Variants in NRXN1 observed in about 807,000 individuals in gnomAD.
NRXN1 encodes the protein neurexin-1.
In NRXN1, 39 loss-of-function variants were observed where a neutral mutation model predicts 150.9. That is an observed-to-expected ratio of 0.26 (90% CI 0.20 to 0.34). The LOEUF (loss-of-function observed/expected upper bound fraction) is 0.34, where lower values mean the gene tolerates loss of function less well. NRXN1 is among the 10% of genes least tolerant of loss of function. The pLI is 1.00. For missense variants in NRXN1, 1,815 were observed against 1,949.9 expected (o/e 0.93, Z 1.30); for synonymous variants, 924 against 757.0 (o/e 1.22, Z -3.62).
chr2:50,567,243 T>A (rs1271210870), intron 8 of NRXN1, among the ~76,000 whole-genome samples: 1 of 152,202 alleles, frequency 6.6e-6, no homozygotes, highest in Non-Finnish European at 1.5e-5. Flanking sequence ...AAGAATGAGG[T>A]TTAACACTAG....
intron 5 of NRXN1, among the ~76,000 whole-genome samples, chr2:50,736,119 C>T (rs1698712093): frequency 6.6e-6 from 1 of 152,174 alleles, no homozygotes; most frequent in Non-Finnish European, 1.5e-5. Flanking sequence ...AACCCCCCTG[C>T]TTCCCGTATT....
intron 2 of NRXN1, among the ~76,000 whole-genome samples, chr2:50,991,966 A>C (rs1055055148): frequency 2.0e-5 from 3 of 152,006 alleles, no homozygotes; most frequent in Non-Finnish European, 2.9e-5. Flanking sequence ...CTATAAAAGA[A>C]AGGTCTGGAT....
chr2:50,757,376 G>A (rs1455933697), intron 5 of NRXN1, among the ~76,000 whole-genome samples: 2 of 151,892 alleles, frequency 1.3e-5, no homozygotes, highest in Admixed American at 6.6e-5. Flanking sequence ...TAATGATTCT[G>A]TAACCAGAGA....
intron 21 of NRXN1, among the ~76,000 whole-genome samples, chr2:50,053,010 G>A (rs1055595124): frequency 1.3e-5 from 2 of 152,104 alleles, no homozygotes; most frequent in East Asian, 1.9e-4. Context: ...TTGGGCCAGA[G>A]GAGGGTTATG....
rs934570176 is a variant in NRXN1 at position 50,231,840 on chromosome 2, G to C, written c.3546+4949C>G. ...CTTTTCTCTAGAAGTGACAACATTG[G>C]TAAAATTTCTAGATATATCTTATAT... is the stretch of plus-strand genomic sequence containing the variant. On this transcript the variant is annotated intron_variant, in intron 18 of 22. Coordinates refer to ENST00000401669, the MANE Select transcript of NRXN1 (RefSeq NM_001330078.2). 2.7e-5 allele frequency among the ~76,000 whole-genome samples: 4 copies of C among 147,584 alleles called. No homozygotes were observed. In the East Asian group the frequency reaches 7.8e-4, roughly 29 times the overall value.
At chr2:50,573,427 C>A (rs2105472623) in intron 8 of NRXN1, among the ~76,000 whole-genome samples, 1 of 151,552 alleles carries the variant, frequency 6.6e-6, no homozygotes, top group South Asian at 2.1e-4. Context: ...AGATGAAGGA[C>A]CTGGATGGGA....
intron 17 of NRXN1, among the ~76,000 whole-genome samples, chr2:50,405,831 A>G (rs1179447278): frequency 6.6e-6 from 1 of 152,160 alleles, no homozygotes; most frequent in Non-Finnish European, 1.5e-5. Flanking sequence ...TTACAGGAAA[A>G]ATAATAATAG....
intron 18 of NRXN1, among the ~76,000 whole-genome samples, chr2:50,182,730 C>T (rs1029169765): frequency 1.3e-5 from 2 of 151,962 alleles, no homozygotes; most frequent in Non-Finnish European, 2.9e-5. Context: ...CAATAAAAAT[C>T]TATGTCTTTA....
intron 21 of NRXN1, among the ~76,000 whole-genome samples, chr2:50,042,364 T>C (rs1424826940): frequency 6.6e-6 from 1 of 152,152 alleles, no homozygotes; most frequent in Non-Finnish European, 1.5e-5. Flanking sequence ...TCTCATGAGA[T>C]AAGGGGCTTC....
chr2:50,576,496 CT>C (rs935718334), intron 8 of NRXN1, among the ~76,000 whole-genome samples: 1 of 151,970 alleles, frequency 6.6e-6, no homozygotes, highest in Non-Finnish European at 1.5e-5. Flanking sequence ...TTTTTTCCCC[CT>C]CATTTCATTG....
chr2:50,001,876 T>A (rs1325717355), intron 21 of NRXN1, among the ~76,000 whole-genome samples: 1 of 151,988 alleles, frequency 6.6e-6, no homozygotes, highest in Non-Finnish European at 1.5e-5. Flanking sequence ...ATGGCAAATG[T>A]TAGGCTATGT....
At chr2:50,524,538 G>A (rs1161656311) in intron 12 of NRXN1, among the ~76,000 whole-genome samples, 1 of 151,266 alleles carries the variant, frequency 6.6e-6, no homozygotes, top group Non-Finnish European at 1.5e-5. Flanking sequence ...AATAAACGAA[G>A]TGTCCCTAAG....
chr2:50,566,229 C>T (rs950114175), intron 8 of NRXN1, among the ~76,000 whole-genome samples: 7 of 152,052 alleles, frequency 4.6e-5, no homozygotes, highest in African/African-American at 1.2e-4. Context: ...TGATTAGCTT[C>T]TACGTTGCCT....
At chr2:50,016,267 A>C (rs1263646189) in intron 21 of NRXN1, among the ~76,000 whole-genome samples, 2 of 152,106 alleles carry the variant, frequency 1.3e-5, no homozygotes, top group Non-Finnish European at 2.9e-5. Flanking sequence ...AACATTACTC[A>C]CAGAAGGCAA....
At chr2:50,351,005 C>G (rs1401276200) in intron 17 of NRXN1, among the ~76,000 whole-genome samples, 3 of 152,088 alleles carry the variant, frequency 2.0e-5, no homozygotes, top group African/African-American at 4.8e-5. Flanking sequence ...GAACAAGGAG[C>G]AATTCTCTGT....
intron 16 of NRXN1, among the ~76,000 whole-genome samples, chr2:50,471,672 C>G (rs895034886): frequency 6.6e-6 from 1 of 151,736 alleles, no homozygotes; most frequent in African/African-American, 2.4e-5. Flanking sequence ...TAAATGAGAG[C>G]TAAATGAAGA....
rs1573086178 is a variant in NRXN1 at position 50,465,456 on chromosome 2, G to A, written c.3350C>T (p.Pro1117Leu). ...CDCSMTSFSG[P>L]LCNDPGTTYI... Reference sequence around the variant, plus strand: ...GAGGTACTTACGGTCATTGCAGAGTGGTCCACTGAAGGAAGTCATACTACA... The same window carrying A: ...GAGGTACTTACGGTCATTGCAGAGTAGTCCACTGAAGGAAGTCATACTACA... The change falls in exon 17 of 23, where the codon CCA (proline) becomes CTA (leucine). Residue 1117 changes from proline (P) to leucine (L), a missense_variant. Pro to Leu is a moderately conservative substitution (Grantham distance 98). Transcript: ENST00000401669. 4 of 1,609,682 alleles carry A rather than the reference G, an allele frequency of 2.5e-6. No homozygotes were observed. The highest frequency in any genetic ancestry group is 3.4e-6 in the Non-Finnish European group (4 of 1,177,524).
intron 12 of NRXN1, among the ~76,000 whole-genome samples, chr2:50,507,499 C>T (rs1440333158): frequency 6.6e-6 from 1 of 151,810 alleles, no homozygotes; most frequent in African/African-American, 2.4e-5. Context: ...AGAAGTATAA[C>T]TGGGAAAGTA....
chr2:51,027,841 T>TGCGCTTGGACTTGACCTCCAC lies in NRXN1; in HGVS notation c.412_432dup (p.Val138_Arg144dup). The TGCGCTTGGACTTGACCTCCAC allele has an allele frequency of 6.2e-7, 1 of 1,613,344 alleles. No individual in the cohort carries two copies. Among genetic ancestry groups the TGCGCTTGGACTTGACCTCCAC allele is most frequent in the Non-Finnish European group, 8.5e-7 (1 of 1,179,718 alleles). ...AGGCCGCTGAACACCGTCATGTCCC[T>TGCGCTTGGACTTGACCTCCAC]GCGCTTGGACTTGACCTCCACCCAC... On this transcript the variant is annotated inframe_insertion, in exon 2 of 23. Coordinates refer to ENST00000401669, the MANE Select transcript of NRXN1 (RefSeq NM_001330078.2).
Sources: gnomAD v4.1 joint callset for allele counts (sites outside exome capture counted in the v4.1 genomes callset) on GRCh38, gnomAD v4.1.1 for gene constraint, MANE v1.5 for transcripts, NCBI Gene and HGNC (gene_info 2026-07-23, HGNC 2026-07-21) for gene names.